The following SCRG1 variants were observed in gnomAD, a reference collection of about 807,000 sequenced individuals.
The protein encoded by SCRG1 is stimulator of chondrogenesis 1.
In SCRG1, 3 loss-of-function variants were observed where a neutral mutation model predicts 7.7. The ratio of observed to expected loss-of-function variants is 0.39; its 90% CI spans 0.18 to 1.01. The LOEUF is 1.01. SCRG1 is among the 50% of genes least tolerant of loss of function. The pLI is 0.36. For missense variants in SCRG1, 110 were observed against 117.2 expected, an observed-to-expected ratio of 0.94 and a Z score of 0.28; for synonymous variants, 46 against 41.2, an observed-to-expected ratio of 1.12 and a Z score of -0.44.
chr4:173,389,074 AG>A (rs1739333838), intron 2 of SCRG1, among the ~76,000 whole-genome samples: 1 of 152,206 alleles, frequency 6.6e-6, no homozygotes, highest in Non-Finnish European at 1.5e-5. Flanking sequence ...ACAAAAAAAA[AG>A]CAAACATGGC....
chr4:173,505,377 G>C, the SCRG1 span, among the ~76,000 whole-genome samples: 2 of 151,994 alleles, frequency 1.3e-5, no homozygotes, highest in Admixed American at 1.3e-4. This position sits in a 1 kb window ranked among gnomAD's most constrained non-coding sequence, Gnocchi z 4.4. Flanking sequence ...TCCCTTGCTC[G>C]GCCATCAGTA....
At chr4:173,407,851 C>A (rs1739946572), upstream of SCRG1, among the ~76,000 whole-genome samples, 1 of 152,092 alleles carries the variant, frequency 6.6e-6, no homozygotes, top group Non-Finnish European at 1.5e-5. Flanking sequence ...TTTGAGCAGA[C>A]CTGTGGTCTA....
At chr4:173,458,389 A>C in the SCRG1 span, among the ~76,000 whole-genome samples, 34 of 152,354 alleles carry the variant, frequency 2.2e-4, no homozygotes, top group Admixed American at 8.5e-4. Context: ...TTAAAAAAAA[A>C]CAGATGAAGT....
intron 2 of SCRG1, among the ~76,000 whole-genome samples, chr4:173,390,471 CG>C (rs1388420292): frequency 2.2e-5 from 3 of 136,252 alleles, no homozygotes; most frequent in South Asian, 2.4e-4. Flanking sequence ...TGTTGTTGTT[CG>C]TTTTTTTTTT....
the SCRG1 span, among the ~76,000 whole-genome samples, chr4:173,502,633 C>G: frequency 1.3e-5 from 2 of 152,148 alleles, no homozygotes; most frequent in Non-Finnish European, 2.9e-5. The surrounding 1 kb of genome is among the most constrained non-coding windows in gnomAD (Gnocchi z 4.6). Flanking sequence ...AAGATTGGAT[C>G]AAACAGGGGC....
intron 1 of SCRG1, among the ~76,000 whole-genome samples, chr4:173,396,993 C>T (rs1739624551): frequency 6.6e-6 from 1 of 152,046 alleles, no homozygotes; most frequent in Non-Finnish European, 1.5e-5. Flanking sequence ...GCAGAGGTTG[C>T]AGTGAGCCGA....
the SCRG1 span, among the ~76,000 whole-genome samples, chr4:173,442,323 G>A: frequency 1.3e-5 from 2 of 152,186 alleles, no homozygotes; most frequent in African/African-American, 4.8e-5. Flanking sequence ...TGTCTCTGAT[G>A]TGCCTCTTAG....
chr4:173,484,024 T>G, the SCRG1 span, among the ~76,000 whole-genome samples: 1 of 83,772 alleles, frequency 1.2e-5, no homozygotes, highest in Non-Finnish European at 2.0e-5. Context: ...TAATATATTA[T>G]AATATACATA....
the SCRG1 span, among the ~76,000 whole-genome samples, chr4:173,505,309 G>A: frequency 6.6e-6 from 1 of 152,160 alleles, no homozygotes; most frequent in Non-Finnish European, 1.5e-5. The surrounding 1 kb of genome is among the most constrained non-coding windows in gnomAD (Gnocchi z 4.4). Context: ...CCCACCTGGA[G>A]TCAGTGCCCT....
At chr4:173,415,870 C>T in the SCRG1 span, among the ~76,000 whole-genome samples, 4 of 152,208 alleles carry the variant, frequency 2.6e-5, no homozygotes, top group East Asian at 5.8e-4. Flanking sequence ...GCTGCATGAA[C>T]ACACCAAGAG....
At chr4:173,393,617 T>C (rs1739511946) in intron 1 of SCRG1, among the ~76,000 whole-genome samples, 1 of 152,210 alleles carries the variant, frequency 6.6e-6, no homozygotes, top group African/African-American at 2.4e-5. Flanking sequence ...ACATTCTGTA[T>C]ATGTCTGTTA....
At chr4:173,470,218 G>A in the SCRG1 span, among the ~76,000 whole-genome samples, 1 of 139,078 alleles carries the variant, frequency 7.2e-6, no homozygotes, top group Non-Finnish European at 1.5e-5. Flanking sequence ...ATCTCAATAT[G>A]TGTTTACCAG....
At chr4:173,442,661 T>G in the SCRG1 span, among the ~76,000 whole-genome samples, 3 of 152,214 alleles carry the variant, frequency 2.0e-5, no homozygotes, top group African/African-American at 7.2e-5. Context: ...AGAAGTTTAC[T>G]TGGCTCGCAG....
the SCRG1 span, among the ~76,000 whole-genome samples, chr4:173,418,182 T>G: frequency 6.6e-6 from 1 of 152,274 alleles, no homozygotes; most frequent in Non-Finnish European, 1.5e-5. Context: ...CATACTTCTG[T>G]GCAGGCAGAA....
chr4:173,415,561 C>T, the SCRG1 span, among the ~76,000 whole-genome samples: 204 of 152,304 alleles, frequency 1.3e-3, no homozygotes, highest in African/African-American at 4.6e-3. Flanking sequence ...TCCAAATAGC[C>T]TTTTCTTTAA....
At chr4:173,478,089 G>A in the SCRG1 span, among the ~76,000 whole-genome samples, 1 of 152,066 alleles carries the variant, frequency 6.6e-6, no homozygotes, top group Non-Finnish European at 1.5e-5. Context: ...AACTGGGCTT[G>A]GCTCCCCAGA....
At chr4:173,516,100 C>T in the SCRG1 span, among the ~76,000 whole-genome samples, 858 of 152,282 alleles carry the variant, frequency 5.6e-3, 5 homozygotes, top group Non-Finnish European at 7.6e-3. Context: ...CAGACAGAAT[C>T]GTCCTGACCC....
At chr4:173,477,174 G>T in the SCRG1 span, among the ~76,000 whole-genome samples, 1 of 152,132 alleles carries the variant, frequency 6.6e-6, no homozygotes, top group African/African-American at 2.4e-5. Flanking sequence ...AATGAAAATT[G>T]TAGTTCAATG....
chr4:173,499,572 T>A, the SCRG1 span, among the ~76,000 whole-genome samples: 1 of 152,220 alleles, frequency 6.6e-6, no homozygotes, highest in Non-Finnish European at 1.5e-5. This position sits in a 1 kb window ranked among gnomAD's most constrained non-coding sequence, Gnocchi z 4.1. Context: ...AGTAAATATT[T>A]AGTAAGGGTC....
Sources: gnomAD v4.1 joint callset for allele counts (sites outside exome capture counted in the v4.1 genomes callset) on GRCh38, gnomAD v4.1.1 for gene constraint, Gnocchi (gnomAD v3.1) non-coding constraint, MANE v1.5 for transcripts, NCBI Gene and HGNC (gene_info 2026-07-23, HGNC 2026-07-21) for gene names.